TMX4: variants seen among roughly 807,000 people sequenced by gnomAD.
The protein encoded by TMX4 is thioredoxin related transmembrane protein 4, also known as thioredoxin-related transmembrane protein 4.
In TMX4, 23 loss-of-function variants were observed where a neutral mutation model predicts 33.3. The observed-to-expected ratio is 0.69, with a 90% CI of 0.50 to 0.98. The LOEUF (loss-of-function observed/expected upper bound fraction) is 0.98, where lower values mean the gene tolerates loss of function less well. Among genes scored for constraint, TMX4 ranks in the 50% least tolerant of loss-of-function variants. The probability of loss-of-function intolerance (pLI) is 0.00; values close to 1 mark genes in which losing one functional copy is unlikely to be tolerated. For synonymous variants in TMX4, 164 were observed against 161.5 expected, an observed-to-expected ratio of 1.02 and a Z score of -0.12; for missense variants, 399 against 448.9, an observed-to-expected ratio of 0.89 and a Z score of 1.01.
intron 2 of TMX4, among the ~76,000 whole-genome samples, chr20:8,007,500 A>G (rs987445900): frequency 2.0e-5 from 3 of 152,164 alleles, no homozygotes; most frequent in Non-Finnish European, 2.9e-5. Flanking sequence ...AAATCATATC[A>G]TATCTCTCTC....
chr20:8,010,915 C>T (rs999986952), intron 1 of TMX4, among the ~76,000 whole-genome samples: 1 of 152,080 alleles, frequency 6.6e-6, no homozygotes, highest in African/African-American at 2.4e-5. Context: ...CTACTTTTTA[C>T]AGTTATTTTT....
In TMX4 at chr20:7,993,461, C is replaced by A. The variant is rs138338556; in HGVS notation, c.513+2565G>T. 1.1e-4 allele frequency among the ~76,000 whole-genome samples: 16 copies of A among 152,280 alleles called. No individual in the cohort carries two copies. In the East Asian group the frequency reaches 2.9e-3, roughly 28 times the overall value. On this transcript the variant is annotated intron_variant, in intron 5 of 7. Coordinates refer to ENST00000246024, the MANE Select transcript of TMX4 (RefSeq NM_021156.4). ...AAATGAGCTAACTGAGCAGGCAGGG[C>A]AGTCAGCTGGAAGGACTCGCTGAGT...
chr20:7,986,986 T>C (rs2050633437), intron 6 of TMX4, among the ~76,000 whole-genome samples: 1 of 151,894 alleles, frequency 6.6e-6, no homozygotes, highest in Non-Finnish European at 1.5e-5. Context: ...GCTGACTCAG[T>C]TGTCTTAGAA....
chr20:8,007,081 T>C (rs1460836966), intron 2 of TMX4, among the ~76,000 whole-genome samples: 1 of 152,184 alleles, frequency 6.6e-6, no homozygotes, highest in Non-Finnish European at 1.5e-5. Flanking sequence ...CTTCTTTTTT[T>C]CTAAATGTTG....
At chr20:7,990,445 C>T (rs2050649750) in intron 5 of TMX4, among the ~76,000 whole-genome samples, 1 of 152,154 alleles carries the variant, frequency 6.6e-6, no homozygotes, top group Admixed American at 6.5e-5. Flanking sequence ...ATTAAAACAT[C>T]ATTACAACAG....
At chr20:8,012,047 A>T (rs1461384989) in intron 1 of TMX4, among the ~76,000 whole-genome samples, 2 of 152,170 alleles carry the variant, frequency 1.3e-5, no homozygotes, top group Non-Finnish European at 2.9e-5. Flanking sequence ...GTTATTTTCT[A>T]TGTAGTTTCT....
chr20:8,001,746 G>T (rs2050708480), intron 2 of TMX4, among the ~76,000 whole-genome samples: 1 of 152,060 alleles, frequency 6.6e-6, no homozygotes, highest in Non-Finnish European at 1.5e-5. Context: ...GCATCACTTG[G>T]ATTGTAAGGA....
intron 1 of TMX4, among the ~76,000 whole-genome samples, chr20:8,017,102 GT>G (rs1444741537): frequency 1.3e-5 from 2 of 151,038 alleles, no homozygotes; most frequent in Non-Finnish European, 1.5e-5. Context: ...AAGTACTGGA[GT>G]TTTTTTCACA....
chr20:8,009,272 T>C, intron 2 of TMX4, among the ~76,000 whole-genome samples: 1 of 152,126 alleles, frequency 6.6e-6, no homozygotes, highest in East Asian at 1.9e-4. Context: ...AAAGTCTCTG[T>C]ATCACTCCAC....
In TMX4 at chr20:7,999,804, T is replaced by A. The variant is rs1490688444; in HGVS notation, c.395A>T (p.Gln132Leu). The A allele has an allele frequency of 6.2e-7, 1 of 1,613,740 alleles. No homozygotes were observed. Among genetic ancestry groups the A allele is most frequent in the African/African-American group, 1.3e-5 (1 of 74,910 alleles). The change falls in exon 4 of 8, where the codon CAG becomes CTG. Residue 132 changes from glutamine to leucine, a missense_variant. Coordinates refer to ENST00000246024, the MANE Select transcript of TMX4 (RefSeq NM_021156.4). ...YRGPGIFEDL[Q>L]NYILEKKWQS... is the part of the protein sequence containing the mutation. ...CCATTTCTTCTCTAAGATATAATTC[T>A]GCAGGTCTTCGAAGATTCCTGGGCC...
At chr20:7,997,067 T>G (rs1434253903) in intron 4 of TMX4, among the ~76,000 whole-genome samples, 1 of 152,140 alleles carries the variant, frequency 6.6e-6, no homozygotes, top group Non-Finnish European at 1.5e-5. Flanking sequence ...GAACACTCAT[T>G]TGGCTTCTGG....
At chr20:8,003,126 C>T (rs1009661359) in intron 2 of TMX4, among the ~76,000 whole-genome samples, 6 of 152,274 alleles carry the variant, frequency 3.9e-5, no homozygotes, top group Admixed American at 6.5e-5. Flanking sequence ...GGAAAAAGTA[C>T]TGTTATTCCT....
At chr20:8,014,446 T>C (rs2050764478) in intron 1 of TMX4, among the ~76,000 whole-genome samples, 1 of 152,266 alleles carries the variant, frequency 6.6e-6, no homozygotes, top group Admixed American at 6.5e-5. Flanking sequence ...CTCATTTACC[T>C]AGTCACAAAG....
At chr20:7,991,258 T>C (rs1410935086) in intron 5 of TMX4, among the ~76,000 whole-genome samples, 1 of 152,214 alleles carries the variant, frequency 6.6e-6, no homozygotes, top group African/African-American at 2.4e-5. Context: ...CAGTAACATT[T>C]AGGAAAGGGA....
chr20:8,013,415 T>C (rs1362863207), intron 1 of TMX4, among the ~76,000 whole-genome samples: 1 of 152,230 alleles, frequency 6.6e-6, no homozygotes, highest in Non-Finnish European at 1.5e-5. Flanking sequence ...CACAGTGGTA[T>C]GTAAAATTAG....
chr20:8,008,535 A>G (rs1242679423), intron 2 of TMX4, among the ~76,000 whole-genome samples: 1 of 152,162 alleles, frequency 6.6e-6, no homozygotes, highest in Non-Finnish European at 1.5e-5. Flanking sequence ...GAAAGACTAT[A>G]TTTAATTAAA....
At chr20:7,992,654 G>A (rs1381117680) in intron 5 of TMX4, among the ~76,000 whole-genome samples, 4 of 152,098 alleles carry the variant, frequency 2.6e-5, no homozygotes, top group Non-Finnish European at 4.4e-5. Context: ...ATAGGAATTC[G>A]GCCATGTGAG....
At chr20:8,006,561 A>G (rs1012240808) in intron 2 of TMX4, among the ~76,000 whole-genome samples, 9 of 152,186 alleles carry the variant, frequency 5.9e-5, no homozygotes, top group Non-Finnish European at 1.2e-4. Flanking sequence ...TATTCATTCA[A>G]GACGTTAGTG....
chr20:7,998,546 G>T (rs576891979), intron 4 of TMX4, among the ~76,000 whole-genome samples: 1 of 152,172 alleles, frequency 6.6e-6, no homozygotes, highest in Non-Finnish European at 1.5e-5. Flanking sequence ...TGTGTGTGCT[G>T]ATCACTTCCA....
Sources: allele counts gnomAD v4.1 joint callset (sites outside exome capture counted in the v4.1 genomes callset), GRCh38; gene constraint gnomAD v4.1.1; transcripts MANE v1.5; gene names NCBI Gene and HGNC (gene_info 2026-07-23, HGNC 2026-07-21).